BIRC6: variants seen among roughly 807,000 people sequenced by gnomAD.
BIRC6 encodes the protein dual E2 ubiquitin-conjugating enzyme/E3 ubiquitin-protein ligase BIRC6.
Under a neutral mutation model 503.3 loss-of-function variants are expected in BIRC6, and 98 were observed. The observed-to-expected ratio is 0.19, with a 90% confidence interval of 0.17 to 0.23. The LOEUF (loss-of-function observed/expected upper bound fraction) is 0.23, where lower values mean the gene tolerates loss of function less well. BIRC6 is among the 10% of genes least tolerant of loss of function. BIRC6 has a pLI of 1.00. For synonymous variants in BIRC6, 2,240 were observed against 2,078.7 expected (o/e 1.08, Z -2.11); for missense variants, 5,360 against 5,806.0 (o/e 0.92, Z 2.50).
At chr2:32,602,950 A>G in intron 70 of BIRC6, 56 bp from the exon 71 acceptor site, 1 of 1,437,964 alleles carries the variant, frequency 7.0e-7, no homozygotes, top group Non-Finnish European at 9.6e-7. Context: ...TCGTTATGAC[A>G]GTTTGTTTTT....
At chr2:32,518,039 C>G (rs2055247724) in intron 55 of BIRC6, among the ~76,000 whole-genome samples, 1 of 151,248 alleles carries the variant, frequency 6.6e-6, no homozygotes, top group East Asian at 1.9e-4. Flanking sequence ...ACTTTTATCT[C>G]CTTTGGTATT....
chr2:32,513,401 T>G (rs896933291), intron 54 of BIRC6, among the ~76,000 whole-genome samples: 2 of 152,214 alleles, frequency 1.3e-5, no homozygotes, highest in Admixed American at 1.3e-4. Context: ...GATGTTGCTG[T>G]GGTTCATAGT....
intron 1 of BIRC6, among the ~76,000 whole-genome samples, chr2:32,374,851 C>T (rs979825919): frequency 3.3e-5 from 5 of 152,098 alleles, no homozygotes; most frequent in Non-Finnish European, 4.4e-5. Context: ...GCGATCCTTC[C>T]GTGTAGGCCT....
At chr2:32,395,387 C>T (rs1038214107) in intron 5 of BIRC6, 124 bp from the exon 6 acceptor site, 1 of 672,840 alleles carries the variant, frequency 1.5e-6, no homozygotes, top group East Asian at 2.9e-5. Flanking sequence ...ATATTATAGG[C>T]TAATTTTCTT....
In BIRC6 at chr2:32,389,309, TG is replaced by T. The variant is rs1462760087; in HGVS notation, c.839+367del. Among the ~76,000 whole-genome samples the T allele has an allele frequency of 2.0e-5, 3 of 151,840 alleles. No homozygotes were observed. The East Asian group carries it at 5.8e-4, about 29-fold the overall frequency. ...TCCATTGATGACATTTTGTGACCTT[TG>T]AGATAAATTTTGCCTAACTTACCAT... is the stretch of plus-strand genomic sequence containing the variant. On this transcript the variant is annotated intron_variant, in intron 4 of 73. Transcript: ENST00000421745.
chr2:32,536,990 T>C (rs1005765821), intron 61 of BIRC6, among the ~76,000 whole-genome samples: 2 of 152,206 alleles, frequency 1.3e-5, no homozygotes, highest in African/African-American at 2.4e-5. Flanking sequence ...CCTTGTAAGT[T>C]GGACTCCTAG....
chr2:32,487,658 C>T lies in BIRC6; in HGVS notation c.7825C>T (p.Pro2609Ser). 1 of 1,613,228 alleles carries T rather than the reference C, an allele frequency of 6.2e-7. No individual in the cohort carries two copies. The highest frequency in any genetic ancestry group is 8.5e-7 in the Non-Finnish European group (1 of 1,179,506). ...TNTSPTLSQS[P>S]TGTDDSLLGG... The stretch of plus-strand genomic sequence containing the variant: ...TGTTTAATTTTCAGTATCACAGTCT[C>T]CCACTGGAACAGATGATTCACTTCT... The change falls in exon 41 of 74, where the codon CCC (proline) becomes TCC (serine). Residue 2609 changes from proline (P) to serine (S), a missense_variant. Pro to Ser is a moderately conservative substitution (Grantham distance 74). Around this residue, in one of 16 missense-constraint regions of BIRC6, gnomAD observed 2,299 missense variants for 2,267.2 expected, o/e 1.01. Coordinates refer to ENST00000421745, the MANE Select transcript of BIRC6 (RefSeq NM_016252.4).
intron 1 of BIRC6, among the ~76,000 whole-genome samples, chr2:32,367,559 C>T (rs570485021): frequency 4.1e-4 from 62 of 151,974 alleles, no homozygotes; most frequent in East Asian, 1.2e-3. Flanking sequence ...TGATGGCTGT[C>T]GCGTGTAATC....
chr2:32,369,957 T>A (rs1212300096), intron 1 of BIRC6, among the ~76,000 whole-genome samples: 574 of 43,474 alleles, frequency 0.013, 5 homozygotes, highest in African/African-American at 0.032. Flanking sequence ...TATATATATA[T>A]ATATATATAT....
chr2:32,586,054 T>C (rs1007507929), intron 66 of BIRC6, among the ~76,000 whole-genome samples: 1 of 152,144 alleles, frequency 6.6e-6, no homozygotes, highest in African/African-American at 2.4e-5. Context: ...GAAAACAGTA[T>C]TGATGAAGAA....
chr2:32,362,650 C>T (rs1286553884), intron 1 of BIRC6, among the ~76,000 whole-genome samples: 1 of 152,090 alleles, frequency 6.6e-6, no homozygotes, highest in Non-Finnish European at 1.5e-5. Flanking sequence ...AAAAGCTACA[C>T]ACCACTTGAC....
intron 68 of BIRC6, among the ~76,000 whole-genome samples, chr2:32,596,148 A>AT (rs2061658761): frequency 6.6e-6 from 1 of 152,120 alleles, no homozygotes; most frequent in Non-Finnish European, 1.5e-5. Flanking sequence ...GTTCTATATT[A>AT]TATATTGTCA....
At position 32,380,667 on chromosome 2, in the gene BIRC6, T is replaced by TGAGATTGCA. The variant is rs372422091; in HGVS notation, c.645+386_645+394dup. The stretch of plus-strand genomic sequence containing the variant: ...CTTGAACCCAGGAGGCGGAGTTAGC[T>TGAGATTGCA]GAGATTGCAGAGATTGCGCCACTGC... On this transcript the variant is annotated intron_variant, in intron 3 of 73. Transcript: ENST00000421745. 1.1e-3 allele frequency among the ~76,000 whole-genome samples: 162 copies of TGAGATTGCA among 150,968 alleles called. 1 individual carries two copies. The highest frequency in any genetic ancestry group is 4.0e-3 in the African/African-American group (160 of 40,414).
intron 11 of BIRC6, among the ~76,000 whole-genome samples, 176 bp downstream of exon 11, chr2:32,429,471 A>G (rs1266272132): frequency 6.6e-6 from 1 of 152,172 alleles, no homozygotes; most frequent in South Asian, 2.1e-4. Flanking sequence ...TCAGCCATTA[A>G]TGAGCTTTTA....
At chr2:32,385,832 A>T (rs1252726822) in intron 3 of BIRC6, among the ~76,000 whole-genome samples, 4 of 152,100 alleles carry the variant, frequency 2.6e-5, no homozygotes, top group Non-Finnish European at 5.9e-5. Flanking sequence ...TGGCTCCCAA[A>T]TCCAAGTAGG....
chr2:32,582,148 C>T (rs1268623222), intron 66 of BIRC6, among the ~76,000 whole-genome samples: 5 of 152,138 alleles, frequency 3.3e-5, no homozygotes, highest in African/African-American at 9.7e-5. Flanking sequence ...TGTGAGCCAC[C>T]GCGCCCGGCC....
In BIRC6 at chr2:32,470,584, AGTT is replaced by A. The variant is rs567393073; in HGVS notation, c.6481+290_6481+292del. Among the ~76,000 whole-genome samples the A allele has an allele frequency of 7.2e-4, 110 of 152,314 alleles. 1 individual carries two copies. The East Asian group carries it at 0.02, about 28-fold the overall frequency. ...TACATAAGTTTGAGCTGTAAGGCAC[AGTT>A]GTTGTTCCCATCAACAATAATGAGT... is the stretch of plus-strand genomic sequence containing the variant. On this transcript the variant is annotated intron_variant, in intron 31 of 73. Transcript: ENST00000421745.
At chr2:32,375,398 C>T (rs1362538905) in intron 1 of BIRC6, among the ~76,000 whole-genome samples, 1 of 152,046 alleles carries the variant, frequency 6.6e-6, no homozygotes, top group Non-Finnish European at 1.5e-5. Context: ...CAGTGGTGTG[C>T]TCCTGTAGTC....
intron 13 of BIRC6, 42 bp from the exon 14 acceptor site, chr2:32,435,454 A>G: frequency 6.6e-7 from 1 of 1,505,444 alleles, no homozygotes; most frequent in Non-Finnish European, 8.9e-7. Context: ...TATCCTCTAG[A>G]AACAGCAGTA....
Sources: allele counts gnomAD v4.1 joint callset (sites outside exome capture counted in the v4.1 genomes callset), GRCh38; gene constraint gnomAD v4.1.1; regional missense constraint gnomAD v4.1.1; transcripts MANE v1.5; gene names NCBI Gene and HGNC (gene_info 2026-07-23, HGNC 2026-07-21).